The following NF1 variants were observed in gnomAD, a reference collection of about 807,000 sequenced individuals.
NF1 encodes neurofibromin 1, also known as neurofibromin.
Under a neutral mutation model 325.7 loss-of-function variants are expected in NF1, and 122 were observed. The observed-to-expected ratio is 0.37, with a 90% CI of 0.32 to 0.44. The LOEUF is 0.44. NF1 is among the 20% of genes least tolerant of loss of function. NF1 has a pLI of 1.00. For missense variants in NF1, 2,140 were observed against 3,415.4 expected (o/e 0.63, Z 9.31); for synonymous variants, 1,091 against 1,186.0 (o/e 0.92, Z 1.65).
chr17:31,202,755 A>G (rs2066552255), intron 11 of NF1, among the ~76,000 whole-genome samples: 1 of 152,218 alleles, frequency 6.6e-6, no homozygotes, highest in South Asian at 2.1e-4. Context: ...TCCAAAAGGG[A>G]AAGTTTAATG....
chr17:31,162,196 G>C (rs1288794028), intron 3 of NF1, among the ~76,000 whole-genome samples: 1 of 152,048 alleles, frequency 6.6e-6, no homozygotes, highest in African/African-American at 2.4e-5. Flanking sequence ...GTGAATATGG[G>C]CCAGGCGTAG....
At chr17:31,173,007 C>T (rs747220167) in intron 5 of NF1, among the ~76,000 whole-genome samples, 4 of 151,972 alleles carry the variant, frequency 2.6e-5, no homozygotes, top group Non-Finnish European at 5.9e-5. Context: ...GGAGGCTGGG[C>T]GCAGTGGCTC....
Position 31,336,273 on chromosome 17 carries a change from T to C in NF1, c.6007-60T>C, listed in dbSNP as rs1213887403. The stretch of plus-strand genomic sequence containing the variant: ...ATTAGGCTGTTCCAATGAATATTTT[T>C]TAATTAAAAATTAAATTGGTAGAGT... On this transcript the variant is annotated intron_variant, in intron 40 of 57. Transcript: ENST00000358273. The surrounding 1 kb of genome is among the most constrained non-coding windows in gnomAD (Gnocchi z 5.5). 1 of 1,567,510 alleles carries C rather than the reference T, an allele frequency of 6.4e-7. No individual in the cohort carries two copies. The highest frequency in any genetic ancestry group is 8.7e-7 in the Non-Finnish European group (1 of 1,146,514).
chr17:31,196,399 T>C (rs75402390), intron 8 of NF1, among the ~76,000 whole-genome samples: 199 of 152,194 alleles, frequency 1.3e-3, no homozygotes, highest in Admixed American at 2.2e-3. Context: ...TTTTATTTTT[T>C]AGTTATAGGA....
At chr17:31,326,603 C>T (rs1016912509) in intron 37 of NF1, among the ~76,000 whole-genome samples, 6 of 151,938 alleles carry the variant, frequency 3.9e-5, no homozygotes, top group African/African-American at 4.8e-5. Context: ...GCCGAGATTG[C>T]GCCACTGCAC....
At position 31,163,329 on chromosome 17, in the gene NF1, T is replaced by C. The variant is rs2143673083; in HGVS notation, c.432T>C (p.Ser144=). The C allele has an allele frequency of 6.2e-7, 1 of 1,614,180 alleles. No individual in the cohort carries two copies. The highest frequency in any genetic ancestry group is 8.5e-7 in the Non-Finnish European group (1 of 1,180,018). ...LRNSASGVLF[S]LSCNNFNAVF... is the part of the protein sequence containing the mutation. ...ATTCTGCCTCTGGGGTTTTATTTTC[T>C]CTCAGCTGCAACAACTTCAATGCAG... The change falls in exon 4 of 58, where the codon TCT becomes TCC. Residue 144 remains serine (S), a synonymous_variant. Coordinates refer to ENST00000358273, the MANE Select transcript of NF1 (RefSeq NM_001042492.3).
chr17:31,365,785 T>C lies in NF1; in HGVS notation c.8377+5082T>C, dbSNP rs141915006. ...TTGACCTCTATTGTGATACCTGTCA[T>C]GTTGTACCTTGTACTATATAGTATT... On this transcript the variant is annotated intron_variant, in intron 57 of 57. Transcript: ENST00000358273. 4.5e-3 allele frequency among the ~76,000 whole-genome samples: 687 copies of C among 152,308 alleles called. 6 individuals carry two copies. The highest frequency in any genetic ancestry group is 0.016 in the African/African-American group (657 of 41,578).
At position 31,182,732 on chromosome 17, in the gene NF1, A is replaced by G. The variant is rs758721952; in HGVS notation, c.888+67A>G. The G allele has an allele frequency of 1.7e-5, 24 of 1,435,232 alleles. No individual in the cohort carries two copies. In the East Asian group the frequency reaches 1.9e-4, roughly 11 times the overall value. The allele number at this position is 1,435,232 out of a possible 1,614,324, so 88.9% of individuals were successfully genotyped here. On this transcript the variant is annotated intron_variant, in intron 8 of 57. Transcript: ENST00000358273. ...GCAGTTTATTTTACTCAAGGTGTGT[A>G]TTACTTTAGGCTTATTATTTAAGCA...
At chr17:31,121,392 A>ATTTTTTTTT (rs1914414877) in intron 1 of NF1, among the ~76,000 whole-genome samples, 1 of 115,644 alleles carries the variant, frequency 8.6e-6, no homozygotes, top group African/African-American at 3.8e-5. Flanking sequence ...GCAAATCACT[A>ATTTTTTTTT]TTCTTTTTTT....
At position 31,200,456 on chromosome 17, in the gene NF1, C is replaced by G. The variant is rs876660836; in HGVS notation, c.923C>G (p.Ala308Gly). 1 of 1,614,094 alleles carries G rather than the reference C, an allele frequency of 6.2e-7. No individual in the cohort carries two copies. Among genetic ancestry groups the G allele is most frequent in the Non-Finnish European group, 8.5e-7 (1 of 1,180,010 alleles). Residue 308 changes from alanine (A) to glycine (G), a missense_variant, in exon 9 of 58, where the codon GCT (alanine) becomes GGT (glycine). Around this residue, in one of 10 missense-constraint regions of NF1, gnomAD observed 179 missense variants for 381.0 expected, o/e 0.47. Coordinates refer to ENST00000358273, the MANE Select transcript of NF1 (RefSeq NM_001042492.3). ...CTGGACAGTCTACGAAAAGCTCTTG[C>G]TGGCCATGGAGGAAGTAGGCAGCTG... ...LFLDSLRKAL[A>G]GHGGSRQLTE...
Position 31,374,239 on chromosome 17 carries a change from A to T in NF1, c.*84A>T. The T allele has an allele frequency of 6.5e-7, 1 of 1,543,280 alleles. No individual in the cohort carries two copies. Among genetic ancestry groups the T allele is most frequent in the Non-Finnish European group, 8.9e-7 (1 of 1,118,290 alleles). On this transcript the variant is annotated 3_prime_UTR_variant, in exon 58 of 58. Coordinates refer to ENST00000358273, the MANE Select transcript of NF1 (RefSeq NM_001042492.3). ...TTCCCTGTCCTTGCCCTTTCCCCCC[A>T]TGTTGTAATGCTGCACTTCCTGTTT...
At chr17:31,287,719 T>C (rs912581331) in intron 36 of NF1, among the ~76,000 whole-genome samples, 2 of 151,954 alleles carry the variant, frequency 1.3e-5, no homozygotes, top group African/African-American at 4.8e-5. Flanking sequence ...GCCACCACAC[T>C]TGGCTAATTT....
In NF1 at chr17:31,235,737, A is replaced by G. The variant is rs745844942; in HGVS notation, c.3835A>G (p.Ser1279Gly). 6.2e-7 allele frequency: 1 copy of G among 1,614,188 alleles called. No homozygotes were observed. The highest frequency in any genetic ancestry group is 1.1e-5 in the South Asian group (1 of 91,088). The change falls in exon 28 of 58, where the codon AGC becomes GGC. Residue 1279 changes from serine (S) to glycine (G), a missense_variant. Physicochemically the swap from Ser to Gly is moderately conservative, Grantham distance 56. This residue lies in a region of NF1 where 336 missense variants were observed against 399.0 expected (regional missense o/e 0.84). Coordinates refer to ENST00000358273, the MANE Select transcript of NF1 (RefSeq NM_001042492.3). ...DSMQTLFRGN[S>G]LASKIMTFCF... ...CATGCAGACTCTCTTCCGAGGCAAC[A>G]GCTTGGCCAGTAAAATAATGACATT...
intron 1 of NF1, among the ~76,000 whole-genome samples, chr17:31,111,353 A>C (rs1913398677): frequency 6.6e-6 from 1 of 152,288 alleles, no homozygotes; most frequent in Admixed American, 6.5e-5. Flanking sequence ...GTAATGATAA[A>C]ATATTTTCCC....
intron 5 of NF1, 104 bp from the exon 6 acceptor site, chr17:31,181,318 A>G: frequency 1.9e-6 from 2 of 1,055,298 alleles, no homozygotes; most frequent in South Asian, 2.8e-5. Context: ...CTTACAGATA[A>G]TATTGGAGCA....
intron 36 of NF1, chr17:31,295,727 T>G: frequency 1.2e-6 from 2 of 1,614,168 alleles, no homozygotes; most frequent in Non-Finnish European, 1.7e-6. Flanking sequence ...GAATGTGAAC[T>G]TATTGTTGTG....
intron 57 of NF1, among the ~76,000 whole-genome samples, chr17:31,363,538 G>A (rs966933890): frequency 2.7e-5 from 4 of 149,306 alleles, no homozygotes; most frequent in Non-Finnish European, 5.9e-5. Flanking sequence ...CCAGGTTCAT[G>A]CCATTCTTCT....
chr17:31,188,992 G>A (rs1474501768), intron 8 of NF1, among the ~76,000 whole-genome samples: 1 of 152,062 alleles, frequency 6.6e-6, no homozygotes, highest in Non-Finnish European at 1.5e-5. Context: ...CCTTAATTCT[G>A]TCCCTCTAGA....
At chr17:31,122,504 C>T (rs551835066) in intron 1 of NF1, among the ~76,000 whole-genome samples, 1 of 152,312 alleles carries the variant, frequency 6.6e-6, no homozygotes, top group African/African-American at 2.4e-5. Context: ...AGCAAATGCC[C>T]TCAACTGCTT....
Sources: gnomAD v4.1 joint callset for allele counts (sites outside exome capture counted in the v4.1 genomes callset) on GRCh38, gnomAD v4.1.1 for gene constraint, gnomAD v4.1.1 regional missense constraint, Gnocchi (gnomAD v3.1) non-coding constraint, MANE v1.5 for transcripts, NCBI Gene and HGNC (gene_info 2026-07-23, HGNC 2026-07-21) for gene names.